OXR1: variants seen among roughly 807,000 people sequenced by gnomAD.
OXR1 encodes oxidation resistance 1.
In OXR1, 41 loss-of-function variants were observed where a neutral mutation model predicts 104.6. That is an observed-to-expected ratio of 0.39 (90% CI 0.31 to 0.51). OXR1 has a LOEUF of 0.51. OXR1 is among the 20% of genes least tolerant of loss of function. The pLI, the probability that OXR1 is intolerant of heterozygous loss-of-function variation, is 0.77. For synonymous variants in OXR1, 348 were observed against 348.4 expected (o/e 1.00, Z 0.01); for missense variants, 955 against 1,031.9 (o/e 0.93, Z 1.02).
intron 2 of OXR1, among the ~76,000 whole-genome samples, chr8:106,516,292 TC>T (rs1454093990): frequency 1.3e-4 from 20 of 152,156 alleles, no homozygotes; most frequent in African/African-American, 4.8e-4. Context: ...ATTCCCTATC[TC>T]TTTTACTGTG....
intron 1 of OXR1, among the ~76,000 whole-genome samples, chr8:106,320,808 A>C (rs1814184565): frequency 6.6e-6 from 1 of 151,944 alleles, no homozygotes; most frequent in Non-Finnish European, 1.5e-5. Flanking sequence ...AGTTCCTGGG[A>C]TTACAGGCAT....
At chr8:106,649,370 T>A (rs1164644931) in intron 3 of OXR1, among the ~76,000 whole-genome samples, 1 of 151,808 alleles carries the variant, frequency 6.6e-6, no homozygotes, top group Non-Finnish European at 1.5e-5. Context: ...GCTGTGGAGG[T>A]TGATTCAGGA....
chr8:106,657,833 G>A (rs1355023732), intron 3 of OXR1: 2 of 1,236,272 alleles, frequency 1.6e-6, no homozygotes, highest in African/African-American at 1.6e-5. Context: ...GCAGAGAGAG[G>A]GACGCCCCCT....
intron 3 of OXR1, among the ~76,000 whole-genome samples, chr8:106,565,238 A>G (rs1410142069): frequency 6.6e-6 from 1 of 152,232 alleles, no homozygotes; most frequent in Non-Finnish European, 1.5e-5. Flanking sequence ...CTATTGTCTC[A>G]TCCCTAAAAC....
chr8:106,283,289 C>A (rs1373606105), intron 1 of OXR1, among the ~76,000 whole-genome samples: 2 of 152,212 alleles, frequency 1.3e-5, no homozygotes, highest in Non-Finnish European at 2.9e-5. Flanking sequence ...CCATTGTAAC[C>A]TTTCCTATCA....
At chr8:106,698,322 G>A (rs1270490040) in intron 7 of OXR1, among the ~76,000 whole-genome samples, 1 of 152,144 alleles carries the variant, frequency 6.6e-6, no homozygotes, top group Non-Finnish European at 1.5e-5. Context: ...CACTTAAGAT[G>A]TTCTATTTAT....
At chr8:106,726,188 C>G (rs991958662) in intron 11 of OXR1, 1 of 1,492,006 alleles carries the variant, frequency 6.7e-7, no homozygotes, top group East Asian at 2.5e-5. Flanking sequence ...AGGAAGAATG[C>G]TTTTGAAAAC....
At chr8:106,589,978 T>C (rs1818951944) in intron 3 of OXR1, among the ~76,000 whole-genome samples, 1 of 152,130 alleles carries the variant, frequency 6.6e-6, no homozygotes, top group Non-Finnish European at 1.5e-5. Context: ...GCTACTGTCT[T>C]TTCTTTGACC....
intron 16 of OXR1, 93 bp downstream of exon 16, chr8:106,745,955 T>G: frequency 1.4e-6 from 1 of 709,288 alleles, no homozygotes; most frequent in Non-Finnish European, 2.4e-6. Flanking sequence ...TAGAAAGTGT[T>G]GACGTTAGAA....
chr8:106,540,308 AAG>A (rs1814853184), intron 3 of OXR1, among the ~76,000 whole-genome samples: 1 of 152,162 alleles, frequency 6.6e-6, no homozygotes, highest in Non-Finnish European at 1.5e-5. Context: ...CCGTGGGTAA[AAG>A]TTCCAGAAAG....
chr8:106,742,348 T>A, intron 15 of OXR1, 31 bp downstream of exon 15: 1 of 1,368,012 alleles, frequency 7.3e-7, no homozygotes, highest in Non-Finnish European at 1.0e-6. Flanking sequence ...ATTTTATTTA[T>A]AAAGAGTTGA....
At chr8:106,527,891 A>G (rs563142982) in intron 3 of OXR1, among the ~76,000 whole-genome samples, 51 of 152,346 alleles carry the variant, frequency 3.3e-4, no homozygotes, top group African/African-American at 1.2e-3. Flanking sequence ...CATCCTCTAC[A>G]TTGATTTTCA....
chr8:106,463,115 T>C (rs1024539278), intron 2 of OXR1, among the ~76,000 whole-genome samples: 18 of 152,056 alleles, frequency 1.2e-4, no homozygotes, highest in African/African-American at 3.6e-4. Flanking sequence ...CCATATTTTA[T>C]ACACTTTGGA....
chr8:106,573,097 G>T (rs1447162023), intron 3 of OXR1, among the ~76,000 whole-genome samples: 1 of 152,082 alleles, frequency 6.6e-6, no homozygotes, highest in Non-Finnish European at 1.5e-5. Context: ...CCCAGCTCAA[G>T]CAGTCAGGCA....
chr8:106,399,034 T>C (rs886692169), intron 2 of OXR1, among the ~76,000 whole-genome samples: 4 of 152,168 alleles, frequency 2.6e-5, no homozygotes, highest in African/African-American at 9.7e-5. Flanking sequence ...TTCACTACTG[T>C]CTTTATTTAT....
At chr8:106,675,903 A>G (rs766374303) in intron 3 of OXR1, among the ~76,000 whole-genome samples, 3 of 152,060 alleles carry the variant, frequency 2.0e-5, no homozygotes, top group Non-Finnish European at 4.4e-5. Flanking sequence ...GTCTCTGAGT[A>G]TTATCGTTTG....
At chr8:106,448,201 C>T (rs1162911985) in intron 2 of OXR1, among the ~76,000 whole-genome samples, 1 of 152,080 alleles carries the variant, frequency 6.6e-6, no homozygotes, top group Non-Finnish European at 1.5e-5. Context: ...ATTTCTGTTG[C>T]CATTTGGTTC....
At chr8:106,478,980 G>T (rs1279152084) in intron 2 of OXR1, among the ~76,000 whole-genome samples, 1 of 151,692 alleles carries the variant, frequency 6.6e-6, no homozygotes, top group Non-Finnish European at 1.5e-5. Context: ...TTCTCTTCCA[G>T]TCCCATACTT....
chr8:106,375,281 A>G (rs1454636704), intron 2 of OXR1, among the ~76,000 whole-genome samples: 1 of 152,220 alleles, frequency 6.6e-6, no homozygotes, highest in Non-Finnish European at 1.5e-5. Context: ...AAAGCCATCT[A>G]TTATTAGGTT....
Sources: allele counts gnomAD v4.1 joint callset (sites outside exome capture counted in the v4.1 genomes callset), GRCh38; gene constraint gnomAD v4.1.1; transcripts MANE v1.5; gene names NCBI Gene and HGNC (gene_info 2026-07-23, HGNC 2026-07-21).